The following UNC79 variants were observed in gnomAD, a reference collection of about 807,000 sequenced individuals.
UNC79 encodes the protein protein unc-79 homolog.
In UNC79, 37 loss-of-function variants were observed where a neutral mutation model predicts 283.1. The ratio of observed to expected loss-of-function variants is 0.13; its 90% confidence interval spans 0.10 to 0.17. The LOEUF (loss-of-function observed/expected upper bound fraction) is 0.17, where lower values mean the gene tolerates loss of function less well. Ranked by LOEUF, UNC79 falls within the 10% of genes least tolerant of loss-of-function variation. The pLI, the probability that UNC79 is intolerant of heterozygous loss-of-function variation, is 1.00. For synonymous variants in UNC79, 1,107 were observed against 1,200.2 expected (o/e 0.92, Z 1.61); for missense variants, 2,272 against 3,211.1 (o/e 0.71, Z 7.07).
intron 23 of UNC79, among the ~76,000 whole-genome samples, chr14:93,595,076 CTTT>C (rs547051985): frequency 2.5e-4 from 36 of 142,812 alleles, no homozygotes; most frequent in Non-Finnish European, 4.3e-4. Flanking sequence ...TCTTTCTTTC[CTTT>C]TTTTTTTTTC....
chr14:93,377,308 A>G (rs2054581347), intron 1 of UNC79, among the ~76,000 whole-genome samples: 1 of 151,920 alleles, frequency 6.6e-6, no homozygotes, highest in African/African-American at 2.4e-5. Flanking sequence ...GTTAGCCAGG[A>G]TGGTCTTGAT....
intron 24 of UNC79, among the ~76,000 whole-genome samples, chr14:93,598,364 ACGTG>A (rs1395339686): frequency 2.8e-5 from 3 of 106,592 alleles, no homozygotes; most frequent in African/African-American, 7.6e-5. Flanking sequence ...TTATTGCATA[ACGTG>A]TGTGTGTGTG....
chr14:93,648,301 A>G (rs912861043), intron 35 of UNC79, among the ~76,000 whole-genome samples: 1 of 152,184 alleles, frequency 6.6e-6, no homozygotes, highest in Non-Finnish European at 1.5e-5. Context: ...TTAAGGAAAA[A>G]AAATTTTGAG....
At chr14:93,368,905 A>G (rs1274221484) in intron 1 of UNC79, among the ~76,000 whole-genome samples, 6 of 152,270 alleles carry the variant, frequency 3.9e-5, no homozygotes, top group African/African-American at 1.4e-4. Context: ...TTCCTTGAGC[A>G]GAATCCAGAT....
intron 8 of UNC79, among the ~76,000 whole-genome samples, chr14:93,526,287 G>A (rs138095803): frequency 2.6e-5 from 4 of 152,062 alleles, no homozygotes; most frequent in Non-Finnish European, 5.9e-5. Flanking sequence ...GTGTGAGTCC[G>A]CCCAATCCAC....
chr14:93,589,441 G>C (rs1054063048), intron 22 of UNC79, among the ~76,000 whole-genome samples: 4 of 152,030 alleles, frequency 2.6e-5, no homozygotes, highest in East Asian at 1.9e-4. Flanking sequence ...CTGGGGGATG[G>C]GGGGGAAGTT....
chr14:93,421,680 G>A (rs2055602839), intron 1 of UNC79, among the ~76,000 whole-genome samples: 1 of 151,032 alleles, frequency 6.6e-6, no homozygotes, highest in Non-Finnish European at 1.5e-5. Flanking sequence ...CAATATCACT[G>A]ATGAATATTG....
chr14:93,618,276 A>G (rs1281516171), exon 29 of UNC79: 1 of 1,614,052 alleles, frequency 6.2e-7, no homozygotes, highest in Non-Finnish European at 8.5e-7. Context: ...GCAGTATCAT[A>G]GCTGCAAGCC....
intron 1 of UNC79, among the ~76,000 whole-genome samples, chr14:93,366,034 C>T (rs1595392418): frequency 6.6e-6 from 1 of 152,308 alleles, no homozygotes; most frequent in East Asian, 1.9e-4. Context: ...GCAGTAATCA[C>T]ATCTTTTATT....
chr14:93,518,560 C>A (rs753714398), intron 7 of UNC79, among the ~76,000 whole-genome samples: 1 of 151,490 alleles, frequency 6.6e-6, no homozygotes. Flanking sequence ...TCATTGATTT[C>A]TGTTTCTTTA....
intron 19 of UNC79, among the ~76,000 whole-genome samples, chr14:93,581,010 A>T (rs2063764678): frequency 6.6e-6 from 1 of 150,604 alleles, no homozygotes; most frequent in African/African-American, 2.4e-5. Context: ...TGCCTGGCCA[A>T]ATGTATGCAT....
At chr14:93,333,625 G>A in intron 1 of UNC79, 1 of 391,330 alleles carries the variant, frequency 2.6e-6, no homozygotes, top group Admixed American at 4.4e-5. Context: ...TCCTTAACAA[G>A]ATACCCCTGT....
intron 1 of UNC79, among the ~76,000 whole-genome samples, chr14:93,415,879 T>C (rs1487713017): frequency 2.0e-5 from 3 of 152,136 alleles, no homozygotes; most frequent in African/African-American, 7.2e-5. Context: ...CCCTTTATCA[T>C]TTTTTATTGC....
rs537548907 is a variant in UNC79, at chr14:93,530,554, G to C, written c.1093+1228G>C. On this transcript the variant is annotated intron_variant, in intron 10 of 48. Coordinates refer to ENST00000555664, the Ensembl canonical transcript of UNC79. Reference sequence around the variant, plus strand: ...TTAAGCCCAGGAGGTTGAGGCTGCAGTGAGCCGTGATCATGCCACTGCACT... The same window carrying C: ...TTAAGCCCAGGAGGTTGAGGCTGCACTGAGCCGTGATCATGCCACTGCACT... Among the ~76,000 whole-genome samples, 5 of 152,294 alleles carry C rather than the reference G, an allele frequency of 3.3e-5. No individual in the cohort carries two copies. The South Asian group carries it at 1.0e-3, about 32-fold the overall frequency.
intron 1 of UNC79, chr14:93,333,612 T>A: frequency 2.5e-6 from 1 of 392,964 alleles, no homozygotes; most frequent in Non-Finnish European, 4.5e-6. Flanking sequence ...CACTGAAAAG[T>A]TTTCCTTAAC....
At chr14:93,486,540 G>C (rs2058442432) in intron 4 of UNC79, among the ~76,000 whole-genome samples, 1 of 151,690 alleles carries the variant, frequency 6.6e-6, no homozygotes, top group Non-Finnish European at 1.5e-5. Context: ...TGTAATCCCA[G>C]CTACTCGGGA....
intron 1 of UNC79, among the ~76,000 whole-genome samples, chr14:93,341,604 C>CAAAA (rs952789518): frequency 8.0e-5 from 5 of 62,732 alleles, no homozygotes; most frequent in Non-Finnish European, 1.2e-4. Flanking sequence ...TCTGTCTCTA[C>CAAAA]AAAAAAAAAA....
intron 20 of UNC79, among the ~76,000 whole-genome samples, chr14:93,585,627 A>G (rs534679585): frequency 5.3e-5 from 8 of 152,304 alleles, no homozygotes; most frequent in South Asian, 2.1e-4. Context: ...TGTAATGGTG[A>G]TTTTAACACA....
intron 1 of UNC79, among the ~76,000 whole-genome samples, chr14:93,443,147 C>T (rs1248352865): frequency 1.3e-5 from 2 of 151,898 alleles, no homozygotes; most frequent in Non-Finnish European, 1.5e-5. Context: ...TCGCTTGAGC[C>T]TAGGAAGCCG....
Sources: gnomAD v4.1 joint callset for allele counts (sites outside exome capture counted in the v4.1 genomes callset) on GRCh38, gnomAD v4.1.1 for gene constraint, MANE v1.5 for transcripts, NCBI Gene and HGNC (gene_info 2026-07-23, HGNC 2026-07-21) for gene names.